Variants in PPP1R13B observed in about 807,000 individuals in gnomAD.
PPP1R13B encodes the protein protein phosphatase 1 regulatory subunit 13B.
In PPP1R13B, 44 loss-of-function variants were observed where a neutral mutation model predicts 119.8. The observed-to-expected ratio is 0.37, with a 90% CI of 0.29 to 0.47. The LOEUF is 0.47. PPP1R13B is among the 20% of genes least tolerant of loss of function. The probability of loss-of-function intolerance (pLI) is 0.99; values close to 1 mark genes in which losing one functional copy is unlikely to be tolerated. For synonymous variants in PPP1R13B, 542 were observed against 561.5 expected (o/e 0.97, Z 0.49); for missense variants, 1,227 against 1,413.5 (o/e 0.87, Z 2.12).
At chr14:103,777,813 A>AC (rs2085242715) in intron 4 of PPP1R13B, among the ~76,000 whole-genome samples, 1 of 151,736 alleles carries the variant, frequency 6.6e-6, no homozygotes, top group African/African-American at 2.4e-5. Context: ...AAAAAAAAAA[A>AC]AAACAGGGTC....
chr14:103,806,605 C>T (rs943443270), intron 1 of PPP1R13B, among the ~76,000 whole-genome samples: 3 of 152,170 alleles, frequency 2.0e-5, no homozygotes, highest in African/African-American at 7.2e-5. Flanking sequence ...CTCAGTTCAC[C>T]AATTTAAAAT....
At chr14:103,751,456 G>A (rs2084543222) in intron 7 of PPP1R13B, among the ~76,000 whole-genome samples, 2 of 152,190 alleles carry the variant, frequency 1.3e-5, no homozygotes, top group African/African-American at 4.8e-5. Context: ...AAAGCAGCAA[G>A]ACCTATTTCT....
chr14:103,842,762 G>A (rs1161748368), intron 1 of PPP1R13B, among the ~76,000 whole-genome samples: 1 of 150,992 alleles, frequency 6.6e-6, no homozygotes, highest in African/African-American at 2.4e-5. Flanking sequence ...GATCACCTGA[G>A]GTCAGGAGTT....
At chr14:103,781,899 T>C (rs565392869) in intron 3 of PPP1R13B, among the ~76,000 whole-genome samples, 70 of 151,918 alleles carry the variant, frequency 4.6e-4, no homozygotes, top group African/African-American at 1.7e-3. Flanking sequence ...TGATCCAACC[T>C]CCTTGGCCTC....
chr14:103,848,379 C>G (rs1361004557), upstream of PPP1R13B: 4 of 985,350 alleles, frequency 4.1e-6, no homozygotes, highest in African/African-American at 3.5e-5. Context: ...GAGGCGCCGC[C>G]CCCTCGGGCC....
At chr14:103,753,730 G>A (rs561201886) in intron 6 of PPP1R13B, among the ~76,000 whole-genome samples, 110 of 152,236 alleles carry the variant, frequency 7.2e-4, no homozygotes, top group African/African-American at 2.3e-3. Context: ...TTTCTACTGC[G>A]TCTGAGGGCC....
intron 1 of PPP1R13B, among the ~76,000 whole-genome samples, chr14:103,816,261 G>A (rs888681887): frequency 2.7e-5 from 4 of 150,020 alleles, no homozygotes; most frequent in African/African-American, 7.3e-5. Context: ...AGGTTCAAGC[G>A]ATTCTCCTGC....
chr14:103,752,211 G>A (rs962806355), intron 7 of PPP1R13B, among the ~76,000 whole-genome samples: 6 of 152,138 alleles, frequency 3.9e-5, no homozygotes, highest in African/African-American at 9.7e-5. Flanking sequence ...TGCATGCCAC[G>A]CTGGAGCTCA....
At chr14:103,767,851 A>C (rs1389670067) in intron 4 of PPP1R13B, among the ~76,000 whole-genome samples, 3 of 152,090 alleles carry the variant, frequency 2.0e-5, no homozygotes, top group Non-Finnish European at 2.9e-5. Flanking sequence ...CCCAACATCA[A>C]TCTTGATAAA....
chr14:103,735,257 AC>A lies in PPP1R13B; in HGVS notation c.3232-63del, dbSNP rs576353153. The A allele has an allele frequency of 5.5e-3, 8,501 of 1,557,556 alleles. 31 individuals carry two copies. The highest frequency in any genetic ancestry group is 6.8e-3 in the Non-Finnish European group (7,715 of 1,131,018). On this transcript the variant is annotated intron_variant, in intron 16 of 16. Transcript: ENST00000202556. ...ACACACAGGGAGCAGGGCCAGCCAG[AC>A]CCGACCCCTGCTCCTCACCTCAGCC...
chr14:103,846,853 A>G (rs2087051017), intron 1 of PPP1R13B: 1 of 516,816 alleles, frequency 1.9e-6, no homozygotes, highest in African/African-American at 2.0e-5. Flanking sequence ...CCTCAGTACA[A>G]CCGCGAAGGC....
rs371121086 is a variant in PPP1R13B, at chr14:103,740,207, T to C, written c.2209A>G (p.Met737Val). The C allele has an allele frequency of 2.9e-5, 47 of 1,613,826 alleles. No individual in the cohort carries two copies. In the East Asian group the frequency reaches 8.2e-4, roughly 28 times the overall value. The change falls in exon 12 of 17, where the codon ATG (methionine) becomes GTG (valine). Residue 737 changes from methionine (M) to valine (V), a missense_variant. Met to Val is a conservative substitution (Grantham distance 21). Transcript: ENST00000202556. The surrounding 1 kb of genome is among the most constrained non-coding windows in gnomAD (Gnocchi z 4.6). ...GGCTGGTAGAAAGGGGTGCCCTCCA[T>C]GCCACCGGCCAGGGTGTTGAAGCGC... ...YQRFNTLAGG[M>V]EGTPFYQPSP...
intron 1 of PPP1R13B, chr14:103,818,504 C>A: frequency 1.0e-6 from 1 of 982,684 alleles, no homozygotes; most frequent in Non-Finnish European, 1.2e-6. Context: ...GGGAGAAGAA[C>A]GAATATTTTC....
At chr14:103,807,369 C>T (rs1263326021) in intron 1 of PPP1R13B, among the ~76,000 whole-genome samples, 1 of 152,350 alleles carries the variant, frequency 6.6e-6, no homozygotes, top group African/African-American at 2.4e-5. Context: ...TATCCTCTGT[C>T]TGTTGTCACT....
intron 1 of PPP1R13B, among the ~76,000 whole-genome samples, chr14:103,827,495 A>G (rs2086574703): frequency 6.6e-6 from 1 of 152,012 alleles, no homozygotes; most frequent in Non-Finnish European, 1.5e-5. Context: ...TCCTAGCACC[A>G]GACTTCTCCT....
intron 1 of PPP1R13B, among the ~76,000 whole-genome samples, chr14:103,833,353 T>G (rs1184102563): frequency 1.3e-5 from 2 of 152,084 alleles, no homozygotes; most frequent in Admixed American, 6.6e-5. Flanking sequence ...CATGTCAATC[T>G]TTCTACCTGG....
At chr14:103,847,129 C>G (rs1028236325) in intron 1 of PPP1R13B, 170 bp downstream of exon 1, 1 of 983,822 alleles carries the variant, frequency 1.0e-6, no homozygotes, top group Non-Finnish European at 1.2e-6. Context: ...GCGCCGCCCC[C>G]ACCTGCCCGC....
rs897109354 is a variant in PPP1R13B at position 103,778,902 on chromosome 14, T to C, written c.278-81A>G. 32 of 1,089,876 alleles carry C rather than the reference T, an allele frequency of 2.9e-5. 1 individual carries two copies. The Admixed American group carries it at 5.6e-4, about 19-fold the overall frequency. The allele number at this position is 1,089,876 out of a possible 1,614,324, so 67.5% of individuals were successfully genotyped here. On this transcript the variant is annotated intron_variant, in intron 3 of 16. Coordinates refer to ENST00000202556, the MANE Select transcript of PPP1R13B (RefSeq NM_015316.3). Reference sequence around the variant, plus strand: ...TCTCCCATTTCTTCATGTATTCAAATATTTATTGAACACAAGTGTAAAATA... The same window carrying C: ...TCTCCCATTTCTTCATGTATTCAAACATTTATTGAACACAAGTGTAAAATA...
At chr14:103,751,446 A>C (rs969602895) in intron 7 of PPP1R13B, among the ~76,000 whole-genome samples, 1 of 152,238 alleles carries the variant, frequency 6.6e-6, no homozygotes, top group Non-Finnish European at 1.5e-5. Context: ...AAGTGCTAAT[A>C]AAGCAGCAAG....
Sources: allele counts gnomAD v4.1 joint callset (sites outside exome capture counted in the v4.1 genomes callset), GRCh38; gene constraint gnomAD v4.1.1; non-coding constraint Gnocchi (gnomAD v3.1); transcripts MANE v1.5; gene names NCBI Gene and HGNC (gene_info 2026-07-23, HGNC 2026-07-21).